Variants in HRK observed in about 807,000 individuals in gnomAD.
HRK encodes harakiri, BCL2 interacting protein, also known as activator of apoptosis harakiri.
HRK carries 6 observed loss-of-function variants against 5.9 expected under a neutral mutation model. That is an observed-to-expected ratio of 1.02 (90% CI 0.56 to 2.01). The LOEUF is 2.01. Among genes scored for constraint, HRK ranks in the 30% most tolerant of loss-of-function variants. The pLI, the probability that HRK is intolerant of heterozygous loss-of-function variation, is 0.00. For missense variants in HRK, 133 were observed against 128.3 expected (o/e 1.04, Z -0.18); for synonymous variants, 85 against 65.1 (o/e 1.31, Z -1.47).
rs1157175390 is a variant in HRK at position 116,881,024 on chromosome 12, C to G, written c.*8G>C. On this transcript the variant is annotated 3_prime_UTR_variant, in exon 1 of 2. Coordinates refer to ENST00000257572, the MANE Select transcript of HRK (RefSeq NM_003806.4). The stretch of plus-strand genomic sequence containing the variant: ...TCGGCTCCGGCCCCACCAAGAAGCC[C>G]CGCGTTCCTACAAGTTCCGCCTGCC... The G allele has an allele frequency of 1.5e-6, 2 of 1,333,002 alleles. No individual in the cohort carries two copies. Among genetic ancestry groups the G allele is most frequent in the South Asian group, 4.0e-5 (2 of 50,118 alleles). The allele number at this position is 1,333,002 out of a possible 1,614,324, so 82.6% of individuals were successfully genotyped here.
rs932815692 is a variant in HRK at position 116,862,354 on chromosome 12, T to C, written c.*57-888A>G. ...CAACTGATGAATAAACAAAATGTGG[T>C]CTTTCCATACAATGGACTATTAGTC... On this transcript the variant is annotated intron_variant, in intron 1 of 1. Coordinates refer to ENST00000257572, the MANE Select transcript of HRK (RefSeq NM_003806.4). This position sits in a 1 kb window ranked among gnomAD's most constrained non-coding sequence, Gnocchi z 4.0. Among the ~76,000 whole-genome samples the C allele has an allele frequency of 1.3e-5, 2 of 152,180 alleles. No individual in the cohort carries two copies. The highest frequency in any genetic ancestry group is 2.9e-5 in the Non-Finnish European group (2 of 68,034).
chr12:116,864,697 C>T (rs1052196629), intron 1 of HRK, among the ~76,000 whole-genome samples: 4 of 152,150 alleles, frequency 2.6e-5, no homozygotes, highest in South Asian at 4.1e-4. Context: ...CTATGGCTCA[C>T]GCCTGTAATC....
rs958008093 is a variant in HRK, at chr12:116,879,813, C to G, written c.*56+1163G>C. 6.6e-6 allele frequency among the ~76,000 whole-genome samples: 1 copy of G among 152,210 alleles called. No homozygotes were observed. The highest frequency in any genetic ancestry group is 1.5e-5 in the Non-Finnish European group (1 of 68,020). On this transcript the variant is annotated intron_variant, in intron 1 of 1. Coordinates refer to ENST00000257572, the MANE Select transcript of HRK (RefSeq NM_003806.4). The surrounding 1 kb of genome is among the most constrained non-coding windows in gnomAD (Gnocchi z 5.6). ...GCCTCGCCTTCAGGCGCCGCTCCAA[C>G]TTCCCAGGGTGTCTGCGGCGCGCGG...
rs1252617698 is a variant in HRK, at chr12:116,878,811, G to A, written c.*56+2165C>T. Among the ~76,000 whole-genome samples, 1 of 152,200 alleles carries A rather than the reference G, an allele frequency of 6.6e-6. No homozygotes were observed. The highest frequency in any genetic ancestry group is 2.4e-5 in the African/African-American group (1 of 41,456). ...AGGTGTGGGAAGAGGGTGTCTCCGA[G>A]TCAGGGCGCAGCACGGAAGTAACTC... is the stretch of plus-strand genomic sequence containing the variant. On this transcript the variant is annotated intron_variant, in intron 1 of 1. Coordinates refer to ENST00000257572, the MANE Select transcript of HRK (RefSeq NM_003806.4). This position sits in a 1 kb window ranked among gnomAD's most constrained non-coding sequence, Gnocchi z 4.4.
rs1878284268 is a variant in HRK, at chr12:116,859,628, C to CATT, written c.*1892_*1894dup. Reference sequence around the variant, plus strand: ...GAGAAACACGTTCTCCCAAAATAAGCATTATTCTTCTTTTTTTTTTTTTGG... The same window carrying CATT: ...GAGAAACACGTTCTCCCAAAATAAGCATTATTATTCTTCTTTTTTTTTTTTTGG... On this transcript the variant is annotated 3_prime_UTR_variant, in exon 2 of 2. Transcript: ENST00000257572. 1 of 122,894 alleles carries CATT rather than the reference C, an allele frequency of 8.1e-6. No individual in the cohort carries two copies. The highest frequency in any genetic ancestry group is 1.0e-4 in the Admixed American group (1 of 9,530). 7.6% of individuals were successfully genotyped at this position (122,894 alleles called of 1,614,324 possible). A position where few individuals can be genotyped will look rare whatever the true frequency, so the allele number is the denominator to read the frequency against.
chr12:116,875,841 G>T (rs1282991948), intron 1 of HRK, among the ~76,000 whole-genome samples: 1 of 152,138 alleles, frequency 6.6e-6, no homozygotes, highest in African/African-American at 2.4e-5. Flanking sequence ...AGCATACCCG[G>T]CTGATGTTGC....
rs1459061244 is a variant in HRK, at chr12:116,871,472, T to C, written c.*56+9504A>G. On this transcript the variant is annotated intron_variant, in intron 1 of 1. Coordinates refer to ENST00000257572, the MANE Select transcript of HRK (RefSeq NM_003806.4). ...CATGTGCCACCACACCAGGCTAATTTGTTTCTATTTTTAGTAGAGATGGGT... is the reference window on the plus strand; with the variant it reads ...CATGTGCCACCACACCAGGCTAATTCGTTTCTATTTTTAGTAGAGATGGGT... Among the ~76,000 whole-genome samples, 5 of 151,494 alleles carry C rather than the reference T, an allele frequency of 3.3e-5. No homozygotes were observed. In the East Asian group the frequency reaches 5.8e-4, roughly 18 times the overall value.
rs1010503069 is a variant in HRK, at chr12:116,859,163, T to C, written c.*2360A>G. The C allele has an allele frequency of 2.6e-5, 4 of 152,160 alleles. No individual in the cohort carries two copies. The highest frequency in any genetic ancestry group is 9.7e-5 in the African/African-American group (4 of 41,430). 9.4% of individuals were successfully genotyped at this position (152,160 alleles called of 1,614,324 possible). ...CAGTTCTCTCAGCAAAGTGGCTTCA[T>C]TGAAATCAAAATCACCCAAAATGCC... On this transcript the variant is annotated 3_prime_UTR_variant, in exon 2 of 2. Coordinates refer to ENST00000257572, the MANE Select transcript of HRK (RefSeq NM_003806.4).
rs148830764 is a variant in HRK at position 116,862,110 on chromosome 12, G to A, written c.*57-644C>T. 2.0e-3 allele frequency among the ~76,000 whole-genome samples: 302 copies of A among 152,278 alleles called. No individual in the cohort carries two copies. The highest frequency in any genetic ancestry group is 6.9e-3 in the African/African-American group (288 of 41,556). ...AGCCCAGGGGAGGCAGCTCATAAGG[G>A]AGACAAAGCAGACTCCTCAGAGAGA... is the stretch of plus-strand genomic sequence containing the variant. On this transcript the variant is annotated intron_variant, in intron 1 of 1. Transcript: ENST00000257572. This position sits in a 1 kb window ranked among gnomAD's most constrained non-coding sequence, Gnocchi z 4.0.
chr12:116,864,051 T>C (rs1450636512), intron 1 of HRK, among the ~76,000 whole-genome samples: 2 of 152,152 alleles, frequency 1.3e-5, no homozygotes, highest in African/African-American at 4.8e-5. Flanking sequence ...AACTCTGCAT[T>C]GTTATGTAGC....
intron 1 of HRK, among the ~76,000 whole-genome samples, chr12:116,875,887 T>C (rs755296689): frequency 5.3e-5 from 8 of 152,158 alleles, no homozygotes; most frequent in Non-Finnish European, 7.4e-5. Context: ...CACATAGTTA[T>C]TGTACACCTA....
chr12:116,872,044 G>C (rs1878772002), intron 1 of HRK, among the ~76,000 whole-genome samples: 2 of 152,140 alleles, frequency 1.3e-5, no homozygotes, highest in East Asian at 3.9e-4. Flanking sequence ...TGATGGATGG[G>C]GAATGTAAAT....
chr12:116,881,090 C>G lies in HRK; in HGVS notation c.218G>C (p.Cys73Ser). 1 of 1,339,278 alleles carries G rather than the reference C, an allele frequency of 7.5e-7. No individual in the cohort carries two copies. The highest frequency in any genetic ancestry group is 9.6e-7 in the Non-Finnish European group (1 of 1,046,810). The allele number at this position is 1,339,278 out of a possible 1,614,324, so 83.0% of individuals were successfully genotyped here. ...CAGCGCCGCCACCTGCGCGGCCGCG[C>G]ACAGCCAAGGCCAGTAGGTGGGGAG... The part of the protein sequence containing the change: ...GALPTYWPWL[C>S]AAAQVAALAA... Residue 73 changes from cysteine (C) to serine (S), a missense_variant, in exon 1 of 2, where the codon TGC becomes TCC. Cys to Ser is a moderately radical substitution (Grantham distance 112). Transcript: ENST00000257572.
chr12:116,872,739 C>T (rs1878798231), intron 1 of HRK, among the ~76,000 whole-genome samples: 1 of 151,922 alleles, frequency 6.6e-6, no homozygotes, highest in South Asian at 2.1e-4. Flanking sequence ...CCTGCTACTG[C>T]ACTCCAGCCT....
chr12:116,871,635 T>A (rs188402627), intron 1 of HRK, among the ~76,000 whole-genome samples: 9,269 of 150,414 alleles, frequency 0.062, 362 homozygotes, highest in Non-Finnish European at 0.091. Flanking sequence ...ATTATTATTT[T>A]TTTTTTTTTG....
At position 116,881,015 on chromosome 12, in the gene HRK, C is replaced by A. The variant is rs1193474827; in HGVS notation, c.*17G>T. 1.5e-6 allele frequency: 2 copies of A among 1,323,972 alleles called. No individual in the cohort carries two copies. Among genetic ancestry groups the A allele is most frequent in the Admixed American group, 3.8e-5 (1 of 26,198 alleles). 82.0% of individuals were successfully genotyped at this position (1,323,972 alleles called of 1,614,324 possible). A position where few individuals can be genotyped will look rare whatever the true frequency, so the allele number is the denominator to read the frequency against. ...GGCTGGGTCTCGGCTCCGGCCCCAC[C>A]AAGAAGCCCCGCGTTCCTACAAGTT... On this transcript the variant is annotated 3_prime_UTR_variant, in exon 1 of 2. Coordinates refer to ENST00000257572, the MANE Select transcript of HRK (RefSeq NM_003806.4).
intron 1 of HRK, among the ~76,000 whole-genome samples, chr12:116,872,879 G>A (rs926474865): frequency 6.4e-5 from 9 of 140,402 alleles, no homozygotes; most frequent in African/African-American, 2.4e-4. Flanking sequence ...GGCAGGCAGG[G>A]AGGGAGGGAG....
Position 116,878,904 on chromosome 12 carries a change from C to A in HRK, c.*56+2072G>T, listed in dbSNP as rs576354897. Among the ~76,000 whole-genome samples, 1 of 152,294 alleles carries A rather than the reference C, an allele frequency of 6.6e-6. No homozygotes were observed. The highest frequency in any genetic ancestry group is 2.1e-4 in the South Asian group (1 of 4,820). On this transcript the variant is annotated intron_variant, in intron 1 of 1. Transcript: ENST00000257572. This position sits in a 1 kb window ranked among gnomAD's most constrained non-coding sequence, Gnocchi z 4.4. ...AGAGACAATAACCTGCTGCTGCCCC[C>A]CAACACCGACTCAAAACAGCGAAAC...
chr12:116,867,910 C>G (rs1878603525), intron 1 of HRK: 1 of 152,094 alleles, frequency 6.6e-6, no homozygotes, highest in African/African-American at 2.4e-5. Flanking sequence ...AGGGGGCTCC[C>G]TGAAATCAGG....
Sources: allele counts gnomAD v4.1 joint callset (sites outside exome capture counted in the v4.1 genomes callset), GRCh38; gene constraint gnomAD v4.1.1; non-coding constraint Gnocchi (gnomAD v3.1); transcripts MANE v1.5; gene names NCBI Gene and HGNC (gene_info 2026-07-23, HGNC 2026-07-21).